CSMD1: variants seen among roughly 807,000 people sequenced by gnomAD.
The protein encoded by CSMD1 is CUB and sushi domain-containing protein 1.
In CSMD1, 213 loss-of-function variants were observed where a neutral mutation model predicts 417.5. The observed-to-expected ratio is 0.51, with a 90% CI of 0.46 to 0.57. CSMD1 has a LOEUF of 0.57. Among genes scored for constraint, CSMD1 ranks in the 20% least tolerant of loss-of-function variants. The pLI, the probability that CSMD1 is intolerant of heterozygous loss-of-function variation, is 0.00. For missense variants in CSMD1, 6,923 were observed against 4,529.7 expected, an observed-to-expected ratio of 1.53 and a Z score of -15.17; for synonymous variants, 2,862 against 1,736.8, an observed-to-expected ratio of 1.65 and a Z score of -16.11.
Position 3,439,309 on chromosome 8 carries a change from A to ATATATATAT in CSMD1, c.1561+29402_1561+29403insATATATATA. 1.5e-3 allele frequency among the ~76,000 whole-genome samples: 92 copies of ATATATATAT among 62,418 alleles called. 1 individual carries two copies. The highest frequency in any genetic ancestry group is 5.3e-3 in the African/African-American group (79 of 15,000). 40.9% of individuals were successfully genotyped at this position (62,418 alleles called of 152,430 possible). ...TATATATATATATATATATATATATATTTTTTTTTTTAATATGTATTTTTA... is the reference window on the plus strand; with the variant it reads ...TATATATATATATATATATATATATATATATATATTTTTTTTTTTTAATATGTATTTTTA... On this transcript the variant is annotated intron_variant, in intron 12 of 69. Coordinates refer to ENST00000635120, the MANE Select transcript of CSMD1 (RefSeq NM_033225.6).
intron 10 of CSMD1, among the ~76,000 whole-genome samples, chr8:3,505,252 G>T (rs184813061): frequency 6.6e-6 from 1 of 152,170 alleles, no homozygotes; most frequent in Non-Finnish European, 1.5e-5. Flanking sequence ...AACACTGTTA[G>T]ATGCGATAAA....
intron 2 of CSMD1, among the ~76,000 whole-genome samples, chr8:4,483,426 C>A (rs186390281): frequency 3.3e-5 from 5 of 152,196 alleles, no homozygotes; most frequent in African/African-American, 1.2e-4. Context: ...AAGATAAAAA[C>A]AAGTCATTAC....
intron 3 of CSMD1, among the ~76,000 whole-genome samples, chr8:4,164,470 C>A (rs1321505444): frequency 6.6e-6 from 1 of 152,068 alleles, no homozygotes; most frequent in African/African-American, 2.4e-5. Context: ...CAGAAATGAA[C>A]CCCTAAACTA....
At chr8:4,191,478 C>T (rs577656962) in intron 3 of CSMD1, among the ~76,000 whole-genome samples, 2 of 152,160 alleles carry the variant, frequency 1.3e-5, no homozygotes, top group African/African-American at 2.4e-5. Flanking sequence ...GAACTAAAAG[C>T]ATTGTTCTTA....
At chr8:3,875,382 C>T (rs921604683) in intron 5 of CSMD1, among the ~76,000 whole-genome samples, 1 of 152,162 alleles carries the variant, frequency 6.6e-6, no homozygotes, top group East Asian at 1.9e-4. Flanking sequence ...TTGGCGACTT[C>T]TGCGTAGACA....
intron 49 of CSMD1, among the ~76,000 whole-genome samples, chr8:3,073,071 T>G (rs1274050103): frequency 6.6e-6 from 1 of 152,240 alleles, no homozygotes; most frequent in Non-Finnish European, 1.5e-5. Flanking sequence ...GTGCTATTTC[T>G]TAAAGTTAGT....
chr8:4,574,423 C>G (rs549133248), intron 2 of CSMD1, among the ~76,000 whole-genome samples: 6 of 152,276 alleles, frequency 3.9e-5, no homozygotes, highest in South Asian at 4.1e-4. Context: ...AATGCCCCAC[C>G]CTTCTTCTGC....
rs893273323 is a variant in CSMD1, at chr8:4,368,269, G to C, written c.415+51684C>G. On this transcript the variant is annotated intron_variant, in intron 3 of 69. Transcript: ENST00000635120. ...GATGATCTTGTGGCTTTTTTGTTCT[G>C]TGTATATGGTGAATCACATTTATTG... 2.0e-5 allele frequency among the ~76,000 whole-genome samples: 3 copies of C among 152,032 alleles called. No individual in the cohort carries two copies. The East Asian group carries it at 5.8e-4, about 29-fold the overall frequency.
intron 12 of CSMD1, among the ~76,000 whole-genome samples, chr8:3,425,345 T>C (rs373987138): frequency 1.1e-4 from 16 of 151,506 alleles, no homozygotes; most frequent in Admixed American, 5.9e-4. Flanking sequence ...ATCCCAGCAC[T>C]TTGGGAGGCT....
intron 8 of CSMD1, among the ~76,000 whole-genome samples, chr8:3,608,267 G>A (rs989401549): frequency 5.9e-5 from 9 of 152,012 alleles, no homozygotes; most frequent in African/African-American, 2.2e-4. Flanking sequence ...GACAGATATT[G>A]CAGCTCATGC....
rs528105713 is a variant in CSMD1, at chr8:4,730,208, G to GAAAACAAAAC, written c.86-92660_86-92651dup. Reference sequence around the variant, plus strand: ...AGGGATGGAAAAGAGGGAGACAGAAGAAAACAAAACAAAACAAAACAAAAC... The same window carrying GAAAACAAAAC: ...AGGGATGGAAAAGAGGGAGACAGAAGAAAACAAAACAAAACAAAACAAAACAAAACAAAAC... On this transcript the variant is annotated intron_variant, in intron 1 of 69. Transcript: ENST00000635120. 7.9e-4 allele frequency among the ~76,000 whole-genome samples: 120 copies of GAAAACAAAAC among 151,730 alleles called. 2 individuals carry two copies. The highest frequency in any genetic ancestry group is 2.1e-3 in the Admixed American group (32 of 15,246).
At chr8:3,712,243 C>G (rs1290568315) in intron 6 of CSMD1, among the ~76,000 whole-genome samples, 1 of 152,046 alleles carries the variant, frequency 6.6e-6, no homozygotes, top group African/African-American at 2.4e-5. Context: ...CAGGGTCCAC[C>G]CGGTGTCTGG....
chr8:4,917,764 A>C (rs12156233), intron 1 of CSMD1, among the ~76,000 whole-genome samples: 93,495 of 152,104 alleles, frequency 0.61, 29,437 homozygotes, highest in East Asian at 0.82. Context: ...AGTTCACAAT[A>C]CCTAATAATA....
chr8:3,238,842 C>T (rs1322298311), intron 26 of CSMD1, among the ~76,000 whole-genome samples: 3 of 151,948 alleles, frequency 2.0e-5, no homozygotes, highest in Admixed American at 6.6e-5. Context: ...GGGGATGGCA[C>T]CAAGAGATAT....
intron 1 of CSMD1, among the ~76,000 whole-genome samples, chr8:4,700,344 A>C (rs1438285106): frequency 1.3e-5 from 2 of 151,944 alleles, no homozygotes; most frequent in Non-Finnish European, 2.9e-5. Flanking sequence ...ATTATTTATA[A>C]TACATATTAT....
chr8:4,708,892 G>C (rs974791), intron 1 of CSMD1, among the ~76,000 whole-genome samples: 569 of 152,282 alleles, frequency 3.7e-3, no homozygotes, highest in Middle Eastern at 0.024. Context: ...AACACACAGA[G>C]AGTGACAATG....
At chr8:4,132,000 G>A (rs891777948) in intron 3 of CSMD1, among the ~76,000 whole-genome samples, 2 of 151,772 alleles carry the variant, frequency 1.3e-5, no homozygotes, top group East Asian at 1.9e-4. Flanking sequence ...TCCTGACCTC[G>A]TGATCCCTGT....
At chr8:3,828,998 C>T (rs1802214814) in intron 5 of CSMD1, among the ~76,000 whole-genome samples, 1 of 152,074 alleles carries the variant, frequency 6.6e-6, no homozygotes, top group South Asian at 2.1e-4. Flanking sequence ...CAGCTGTTTC[C>T]TCTGTCTACA....
At chr8:4,871,764 C>G (rs1160029471) in intron 1 of CSMD1, among the ~76,000 whole-genome samples, 1 of 152,052 alleles carries the variant, frequency 6.6e-6, no homozygotes, top group Non-Finnish European at 1.5e-5. Context: ...TTATTTTTCC[C>G]TCTTTTGAAA....
Sources: gnomAD v4.1 joint callset for allele counts (sites outside exome capture counted in the v4.1 genomes callset) on GRCh38, gnomAD v4.1.1 for gene constraint, MANE v1.5 for transcripts, NCBI Gene and HGNC (gene_info 2026-07-23, HGNC 2026-07-21) for gene names.